GPC6: variants seen among roughly 807,000 people sequenced by gnomAD.
The protein encoded by GPC6 is glypican 6.
GPC6 carries 14 observed loss-of-function variants against 55.2 expected under a neutral mutation model. The ratio of observed to expected loss-of-function variants is 0.25; its 90% CI spans 0.17 to 0.40. The LOEUF (loss-of-function observed/expected upper bound fraction) is 0.40, where lower values mean the gene tolerates loss of function less well. GPC6 is among the 10% of genes least tolerant of loss of function. The pLI is 1.00. For synonymous variants in GPC6, 278 were observed against 259.6 expected (o/e 1.07, Z -0.68); for missense variants, 641 against 708.5 (o/e 0.90, Z 1.08).
chr13:93,872,600 G>C lies in GPC6; in HGVS notation c.711+42055G>C, dbSNP rs181714861. Among the ~76,000 whole-genome samples the C allele has an allele frequency of 4.3e-3, 647 of 151,934 alleles. 2 individuals are homozygous for C. Among genetic ancestry groups the C allele is most frequent in the Non-Finnish European group, 6.5e-3 (440 of 67,888 alleles). ...TGCTGGAGGACATCAGCAGCCCTTGGCTCGTGCCTTTTTCTCCCATCTTTG... is the reference window on the plus strand; with the variant it reads ...TGCTGGAGGACATCAGCAGCCCTTGCCTCGTGCCTTTTTCTCCCATCTTTG... On this transcript the variant is annotated intron_variant, in intron 3 of 8. Coordinates refer to ENST00000377047, the MANE Select transcript of GPC6 (RefSeq NM_005708.5).
chr13:93,689,875 A>G (rs1307578875), intron 2 of GPC6, among the ~76,000 whole-genome samples: 2 of 152,148 alleles, frequency 1.3e-5, no homozygotes, highest in Non-Finnish European at 2.9e-5. Flanking sequence ...AGTCACTTAA[A>G]TCAGTCCAGT....
At chr13:93,874,922 C>T (rs559370247) in intron 3 of GPC6, among the ~76,000 whole-genome samples, 2 of 152,052 alleles carry the variant, frequency 1.3e-5, no homozygotes, top group African/African-American at 4.8e-5. Context: ...CTTATCTTAA[C>T]GTACTTCACT....
At chr13:93,713,537 G>C (rs1410329772) in intron 2 of GPC6, among the ~76,000 whole-genome samples, 1 of 151,792 alleles carries the variant, frequency 6.6e-6, no homozygotes, top group African/African-American at 2.4e-5. Flanking sequence ...AGCTTGTGCT[G>C]TCACCCAGGC....
At chr13:93,506,251 T>C (rs1828923558) in intron 1 of GPC6, among the ~76,000 whole-genome samples, 1 of 152,184 alleles carries the variant, frequency 6.6e-6, no homozygotes, top group South Asian at 2.1e-4. Flanking sequence ...TGGATTCATT[T>C]GTTTAGAGGA....
intron 3 of GPC6, among the ~76,000 whole-genome samples, chr13:93,904,433 T>C (rs542418005): frequency 1.3e-5 from 2 of 152,226 alleles, no homozygotes; most frequent in South Asian, 2.1e-4. Context: ...TCCACTAGGA[T>C]TATAATATAG....
chr13:93,794,628 G>A (rs1886144318), intron 2 of GPC6, among the ~76,000 whole-genome samples: 1 of 152,172 alleles, frequency 6.6e-6, no homozygotes, highest in Non-Finnish European at 1.5e-5. Context: ...GGGAATGTAC[G>A]TGAGACCTTG....
intron 4 of GPC6, among the ~76,000 whole-genome samples, chr13:94,160,227 A>G (rs960360455): frequency 2.0e-5 from 3 of 152,350 alleles, no homozygotes; most frequent in African/African-American, 7.2e-5. Flanking sequence ...TAATTTATAC[A>G]TTAAACCTTA....
At chr13:94,087,244 A>T in intron 4 of GPC6, among the ~76,000 whole-genome samples, 1 of 152,230 alleles carries the variant, frequency 6.6e-6, no homozygotes, top group Admixed American at 6.5e-5. Flanking sequence ...TATGCCAAGA[A>T]TCAGAGGGCG....
chr13:93,952,848 A>G (rs149640543), intron 3 of GPC6, among the ~76,000 whole-genome samples: 135 of 140,630 alleles, frequency 9.6e-4, no homozygotes, highest in Non-Finnish European at 1.7e-3. Context: ...TCACACATAT[A>G]TATACGTATA....
intron 1 of GPC6, among the ~76,000 whole-genome samples, chr13:93,307,617 C>A (rs1878901935): frequency 6.6e-6 from 1 of 152,046 alleles, no homozygotes; most frequent in South Asian, 2.1e-4. Flanking sequence ...TATGAGTTTA[C>A]ATATATGATT....
chr13:93,960,171 C>T (rs558150390), intron 3 of GPC6, among the ~76,000 whole-genome samples: 23 of 152,298 alleles, frequency 1.5e-4, no homozygotes, highest in African/African-American at 4.8e-4. Flanking sequence ...TCTCCTCTTG[C>T]GGGCTCCTGT....
chr13:94,106,356 T>G (rs1257277434), intron 4 of GPC6, among the ~76,000 whole-genome samples: 1 of 152,218 alleles, frequency 6.6e-6, no homozygotes, highest in Non-Finnish European at 1.5e-5. Flanking sequence ...TTGAAAAAGT[T>G]TCTCTACATT....
chr13:94,003,939 G>A (rs997418827), intron 3 of GPC6, among the ~76,000 whole-genome samples: 12 of 152,154 alleles, frequency 7.9e-5, no homozygotes, highest in Admixed American at 7.9e-4. Context: ...TGGTAGATGT[G>A]TCATTCAAAA....
chr13:93,533,984 G>C (rs1881961867), intron 1 of GPC6, among the ~76,000 whole-genome samples: 1 of 152,100 alleles, frequency 6.6e-6, no homozygotes, highest in Non-Finnish European at 1.5e-5. Flanking sequence ...GCTGAGATCA[G>C]TAGGAAGCTG....
chr13:93,481,444 T>C (rs958104481), intron 1 of GPC6, among the ~76,000 whole-genome samples: 11 of 152,084 alleles, frequency 7.2e-5, no homozygotes, highest in Non-Finnish European at 1.3e-4. Flanking sequence ...AATTTTGTTG[T>C]TGTTGATTTA....
At chr13:93,922,824 C>T in intron 3 of GPC6, among the ~76,000 whole-genome samples, 1 of 152,144 alleles carries the variant, frequency 6.6e-6, no homozygotes, top group East Asian at 1.9e-4. Context: ...AGCCTCTAAT[C>T]AATTTGTATT....
chr13:93,835,260 G>A (rs930518322), intron 3 of GPC6, among the ~76,000 whole-genome samples: 1 of 151,844 alleles, frequency 6.6e-6, no homozygotes, highest in African/African-American at 2.4e-5. Flanking sequence ...TCAAGACCCA[G>A]CCTAGGCAAC....
At chr13:94,345,199 A>T (rs1878228111) in intron 6 of GPC6, among the ~76,000 whole-genome samples, 1 of 152,236 alleles carries the variant, frequency 6.6e-6, no homozygotes, top group Non-Finnish European at 1.5e-5. Context: ...CAAATTTGTC[A>T]GACTATAATG....
chr13:93,438,048 C>G (rs1039647379), intron 1 of GPC6, among the ~76,000 whole-genome samples: 6 of 152,154 alleles, frequency 3.9e-5, no homozygotes, highest in Non-Finnish European at 8.8e-5. Context: ...ACAACCAAAC[C>G]TGGATTGACA....
Sources: gnomAD v4.1 joint callset for allele counts (sites outside exome capture counted in the v4.1 genomes callset) on GRCh38, gnomAD v4.1.1 for gene constraint, MANE v1.5 for transcripts, NCBI Gene and HGNC (gene_info 2026-07-23, HGNC 2026-07-21) for gene names.